Variants in B3GNT2 observed in about 807,000 individuals in gnomAD.
The protein encoded by B3GNT2 is N-acetyllactosaminide beta-1,3-N-acetylglucosaminyltransferase 2.
Under a neutral mutation model 27.6 loss-of-function variants are expected in B3GNT2, and 12 were observed. The observed-to-expected ratio is 0.44, with a 90% confidence interval of 0.28 to 0.71. B3GNT2 has a LOEUF of 0.71. Ranked by LOEUF, B3GNT2 falls within the 30% of genes least tolerant of loss-of-function variation. The probability of loss-of-function intolerance (pLI) is 0.17; values close to 1 mark genes in which losing one functional copy is unlikely to be tolerated. For missense variants in B3GNT2, 413 were observed against 488.5 expected (o/e 0.85, Z 1.46); for synonymous variants, 192 against 189.7 (o/e 1.01, Z -0.10).
Position 62,196,207 on chromosome 2 carries a change from C to T in B3GNT2, c.-158C>T, listed in dbSNP as rs1674135888. On this transcript the variant is annotated 5_prime_UTR_variant, in exon 1 of 2. Transcript: ENST00000301998. ...CCGGAGCAGTCCCTGCCGCCGACACCGCCGGGCCGCCCGTCCGGGGCGCCG... is the reference window on the plus strand; with the variant it reads ...CCGGAGCAGTCCCTGCCGCCGACACTGCCGGGCCGCCCGTCCGGGGCGCCG... 6.6e-6 allele frequency: 1 copy of T among 151,726 alleles called. No homozygotes were observed. The highest frequency in any genetic ancestry group is 2.4e-5 in the African/African-American group (1 of 41,332). The allele number at this position is 151,726 out of a possible 1,614,324, so 9.4% of individuals were successfully genotyped here. A position where few individuals can be genotyped will look rare whatever the true frequency, so the allele number is the denominator to read the frequency against.
rs141787237 is a variant in B3GNT2, at chr2:62,222,446, A to G, written c.226A>G (p.Met76Val). The stretch of plus-strand genomic sequence containing the variant: ...CCGGCAGTACAACCCCATCCTGAGC[A>G]TGCTGACCAACCAGACGGGGGAGGC... The part of the protein sequence containing the change: ...LNRQYNPILS[M>V]LTNQTGEAGR... The change falls in exon 2 of 2, where the codon ATG (methionine) becomes GTG (valine). Residue 76 changes from methionine (M) to valine (V), a missense_variant. Physicochemically the swap from Met to Val is conservative, Grantham distance 21 (BLOSUM62 1). Coordinates refer to ENST00000301998, the MANE Select transcript of B3GNT2 (RefSeq NM_006577.6). The surrounding 1 kb of genome is among the most constrained non-coding windows in gnomAD (Gnocchi z 4.2). The G allele has an allele frequency of 9.7e-5, 156 of 1,614,156 alleles. No individual in the cohort carries two copies. In the African/African-American group the frequency reaches 1.7e-3, roughly 17 times the overall value.
intron 1 of B3GNT2, among the ~76,000 whole-genome samples, chr2:62,220,534 C>T (rs973905323): frequency 6.6e-6 from 1 of 152,120 alleles, no homozygotes; most frequent in Non-Finnish European, 1.5e-5. Context: ...AAATCCTCTC[C>T]TTTCAAAAAG....
chr2:62,219,387 A>T (rs964367556), intron 1 of B3GNT2, among the ~76,000 whole-genome samples: 1 of 152,122 alleles, frequency 6.6e-6, no homozygotes, highest in African/African-American at 2.4e-5. Flanking sequence ...ATCTCAGCTC[A>T]CTGCAACCTC....
At chr2:62,204,783 T>G (rs975693567) in intron 1 of B3GNT2, among the ~76,000 whole-genome samples, 1 of 152,244 alleles carries the variant, frequency 6.6e-6, no homozygotes, top group Non-Finnish European at 1.5e-5. Flanking sequence ...CTTTTATTCT[T>G]CAAAGTTCTG....
chr2:62,212,575 T>C (rs923995432), intron 1 of B3GNT2, among the ~76,000 whole-genome samples: 1 of 151,752 alleles, frequency 6.6e-6, no homozygotes, highest in African/African-American at 2.4e-5. Flanking sequence ...TCTGCTTGAC[T>C]GTCTACACCC....
In B3GNT2 at chr2:62,224,562, T is replaced by A. The variant is rs888540800; in HGVS notation, c.*1148T>A. On this transcript the variant is annotated 3_prime_UTR_variant, in exon 2 of 2. Coordinates refer to ENST00000301998, the MANE Select transcript of B3GNT2 (RefSeq NM_006577.6). ...TGTTATTTTTGAATTTTAAAATTTG[T>A]TTTTTGGGGGTATGAACTACTAGAG... The A allele has an allele frequency of 2.4e-5, 4 of 167,174 alleles. No homozygotes were observed. The highest frequency in any genetic ancestry group is 1.3e-4 in the Admixed American group (2 of 15,302). The allele number at this position is 167,174 out of a possible 1,614,324, so 10.4% of individuals were successfully genotyped here.
chr2:62,215,752 G>C (rs1044826031), intron 1 of B3GNT2: 9 of 152,314 alleles, frequency 5.9e-5, no homozygotes, highest in African/African-American at 2.2e-4. Flanking sequence ...TGTCCTGTTG[G>C]AGCAGGAAAG....
At chr2:62,220,665 C>T (rs1674672734) in intron 1 of B3GNT2, among the ~76,000 whole-genome samples, 1 of 152,196 alleles carries the variant, frequency 6.6e-6, no homozygotes, top group African/African-American at 2.4e-5. Context: ...GTCTGCCCTT[C>T]TTTAAATGTG....
chr2:62,197,159 G>A (rs1041067140), intron 1 of B3GNT2, among the ~76,000 whole-genome samples: 1 of 152,080 alleles, frequency 6.6e-6, no homozygotes, highest in Non-Finnish European at 1.5e-5. Context: ...CGGACTCTAC[G>A]AGACACCCCT....
chr2:62,206,022 T>G (rs1674368702), intron 1 of B3GNT2: 1 of 154,262 alleles, frequency 6.5e-6, no homozygotes. Flanking sequence ...ACCTGGGCCT[T>G]CAAGGATGGG....
chr2:62,201,511 A>G (rs1674263637), intron 1 of B3GNT2, among the ~76,000 whole-genome samples: 1 of 152,262 alleles, frequency 6.6e-6, no homozygotes, highest in African/African-American at 2.4e-5. Flanking sequence ...TGCTTCAGAC[A>G]AGCCACTTAA....
At chr2:62,212,658 C>T (rs1312296832) in intron 1 of B3GNT2, among the ~76,000 whole-genome samples, 1 of 151,700 alleles carries the variant, frequency 6.6e-6, no homozygotes, top group East Asian at 1.9e-4. Flanking sequence ...GGCCTAGGTA[C>T]CCAGGAGTTT....
At chr2:62,206,488 T>C (rs1053591999) in intron 1 of B3GNT2, among the ~76,000 whole-genome samples, 4 of 152,238 alleles carry the variant, frequency 2.6e-5, no homozygotes, top group Non-Finnish European at 5.9e-5. Context: ...GGAGTGTCCT[T>C]GATACCTTTA....
intron 1 of B3GNT2, among the ~76,000 whole-genome samples, chr2:62,218,107 G>T (rs1037308761): frequency 6.6e-6 from 1 of 152,210 alleles, no homozygotes; most frequent in Non-Finnish European, 1.5e-5. Context: ...GTAACTTCCT[G>T]CTGAAGAAAG....
In B3GNT2 at chr2:62,222,178, G is replaced by A; in HGVS notation, c.-9-34G>A. The A allele has an allele frequency of 1.3e-6, 2 of 1,514,960 alleles. No homozygotes were observed. The highest frequency in any genetic ancestry group is 1.3e-5 in the South Asian group (1 of 76,238). 93.8% of individuals were successfully genotyped at this position (1,514,960 alleles called of 1,614,324 possible). A position where few individuals can be genotyped will look rare whatever the true frequency, so the allele number is the denominator to read the frequency against. On this transcript the variant is annotated intron_variant, in intron 1 of 1. Coordinates refer to ENST00000301998, the MANE Select transcript of B3GNT2 (RefSeq NM_006577.6). This position sits in a 1 kb window ranked among gnomAD's most constrained non-coding sequence, Gnocchi z 4.2. Reference sequence around the variant, plus strand: ...TGTATGTGCAAATGCAAATTGATAAGTAATTGATACAATACTCCACCCCTT... The same window carrying A: ...TGTATGTGCAAATGCAAATTGATAAATAATTGATACAATACTCCACCCCTT...
In B3GNT2 at chr2:62,223,597, AT is replaced by A. The variant is rs201479976; in HGVS notation, c.*192del. The A allele has an allele frequency of 1.8e-3, 990 of 542,024 alleles. 16 individuals are homozygous for A. The East Asian group carries it at 0.027, about 15-fold the overall frequency. The allele number at this position is 542,024 out of a possible 1,614,324, so 33.6% of individuals were successfully genotyped here. A position where few individuals can be genotyped will look rare whatever the true frequency, so the allele number is the denominator to read the frequency against. ...TGAAGAGGGAAAGCGGAAGATGGTAATTTTTTTTTATGGATGATATGGCAGG... is the reference window on the plus strand; with the variant it reads ...TGAAGAGGGAAAGCGGAAGATGGTAATTTTTTTTATGGATGATATGGCAGG... On this transcript the variant is annotated 3_prime_UTR_variant, in exon 2 of 2. Transcript: ENST00000301998.
At chr2:62,202,912 T>A (rs1573258108) in intron 1 of B3GNT2, among the ~76,000 whole-genome samples, 1 of 152,134 alleles carries the variant, frequency 6.6e-6, no homozygotes, top group Admixed American at 6.5e-5. Flanking sequence ...CCCCCAGCTT[T>A]CCTGCCTCTG....
Position 62,223,713 on chromosome 2 carries a change from TTAAGTGA to T in B3GNT2, c.*301_*307del, listed in dbSNP as rs1321287898. On this transcript the variant is annotated 3_prime_UTR_variant, in exon 2 of 2. Transcript: ENST00000301998. The stretch of plus-strand genomic sequence containing the variant: ...ATCCTGTTTCTGGAATTTGGCCATT[TTAAGTGA>T]TTTTGTTTGCCCTCTTCTATAATAT... The T allele has an allele frequency of 5.6e-5, 15 of 266,288 alleles. No individual in the cohort carries two copies. Among genetic ancestry groups the T allele is most frequent in the Non-Finnish European group, 1.1e-4 (14 of 130,788 alleles). 16.5% of individuals were successfully genotyped at this position (266,288 alleles called of 1,614,324 possible).
rs1674773699 is a variant in B3GNT2, at chr2:62,223,858, GTTTATT to G, written c.*450_*455del. 6.0e-6 allele frequency: 1 copy of G among 167,560 alleles called. No homozygotes were observed. Among genetic ancestry groups the G allele is most frequent in the African/African-American group, 2.4e-5 (1 of 41,438 alleles). 10.4% of individuals were successfully genotyped at this position (167,560 alleles called of 1,614,324 possible). On this transcript the variant is annotated 3_prime_UTR_variant, in exon 2 of 2. Transcript: ENST00000301998. ...AGTGGTTTTCGTGAAATGGAATTAT[GTTTATT>G]TTTATGGGATTTGGGTAAATTTTAA...
Sources: gnomAD v4.1 joint callset for allele counts (sites outside exome capture counted in the v4.1 genomes callset) on GRCh38, gnomAD v4.1.1 for gene constraint, Gnocchi (gnomAD v3.1) non-coding constraint, MANE v1.5 for transcripts, NCBI Gene and HGNC (gene_info 2026-07-23, HGNC 2026-07-21) for gene names.